Variants in ITGA1 observed in about 807,000 individuals in gnomAD.
ITGA1 encodes the protein integrin subunit alpha 1, also known as integrin alpha-1.
In ITGA1, 85 loss-of-function variants were observed where a neutral mutation model predicts 145.9. The observed-to-expected ratio is 0.58, with a 90% CI of 0.49 to 0.70. The LOEUF (loss-of-function observed/expected upper bound fraction) is 0.70, where lower values mean the gene tolerates loss of function less well. ITGA1 is among the 30% of genes least tolerant of loss of function. The pLI, the probability that ITGA1 is intolerant of heterozygous loss-of-function variation, is 0.00. For missense variants in ITGA1, 1,351 were observed against 1,418.7 expected (o/e 0.95, Z 0.77); for synonymous variants, 520 against 495.3 (o/e 1.05, Z -0.66).
chr5:52,876,228 A>T (rs963670640), intron 6 of ITGA1, among the ~76,000 whole-genome samples: 1 of 152,202 alleles, frequency 6.6e-6, no homozygotes, highest in African/African-American at 2.4e-5. Flanking sequence ...TTAGCCTTAA[A>T]TTATAAGCTA....
intron 1 of ITGA1, among the ~76,000 whole-genome samples, chr5:52,794,854 GCTT>G (rs1191497787): frequency 6.6e-6 from 1 of 151,682 alleles, no homozygotes; most frequent in East Asian, 1.9e-4. Flanking sequence ...TGGAGCTCTG[GCTT>G]CTTATTTTGT....
rs565935106 is a variant in ITGA1, at chr5:52,950,821, A to T, written c.3496-1586A>T. Among the ~76,000 whole-genome samples, 29 of 152,304 alleles carry T rather than the reference A, an allele frequency of 1.9e-4. No individual in the cohort carries two copies. The South Asian group carries it at 4.1e-3, about 22-fold the overall frequency. On this transcript the variant is annotated intron_variant, in intron 28 of 28. Transcript: ENST00000282588. ...GCAAAGCAGAGTGGGAAGGAGAAAA[A>T]GTCTTAGAATCCACCACCTGCTTTT...
chr5:52,920,711 C>T (rs970721021), intron 17 of ITGA1, among the ~76,000 whole-genome samples: 12 of 152,138 alleles, frequency 7.9e-5, no homozygotes, highest in Admixed American at 1.3e-4. Flanking sequence ...TATTATGGAA[C>T]GGCAGGAAAA....
At chr5:52,804,821 G>A (rs1368198079) in intron 1 of ITGA1, among the ~76,000 whole-genome samples, 2 of 152,132 alleles carry the variant, frequency 1.3e-5, no homozygotes, top group Admixed American at 1.3e-4. Context: ...TGTGTTTAGT[G>A]TCAGAATATG....
chr5:52,797,294 A>G (rs973369165), intron 1 of ITGA1, among the ~76,000 whole-genome samples: 2 of 152,074 alleles, frequency 1.3e-5, no homozygotes, highest in African/African-American at 4.8e-5. Context: ...AAAATGGCCC[A>G]AAGTGGTTTG....
intron 1 of ITGA1, among the ~76,000 whole-genome samples, chr5:52,831,459 A>G (rs1263616947): frequency 6.6e-6 from 1 of 152,186 alleles, no homozygotes; most frequent in Middle Eastern, 3.4e-3. Flanking sequence ...GGGTTACCCA[A>G]ACTAAGTCTC....
intron 23 of ITGA1, among the ~76,000 whole-genome samples, chr5:52,935,107 ACT>A (rs1750946784): frequency 6.6e-6 from 1 of 151,960 alleles, no homozygotes; most frequent in Admixed American, 6.6e-5. Flanking sequence ...TGAAATAGGT[ACT>A]CTCTCTTATA....
intron 1 of ITGA1, among the ~76,000 whole-genome samples, chr5:52,794,500 T>TACACACACACACACAC (rs56996823): frequency 4.2e-4 from 60 of 141,912 alleles, no homozygotes; most frequent in Middle Eastern, 3.6e-3. Flanking sequence ...CAAATAGAAA[T>TACACACACACACACAC]ACACACACAC....
intron 1 of ITGA1, among the ~76,000 whole-genome samples, chr5:52,820,024 T>A (rs1748849491): frequency 6.7e-6 from 1 of 149,132 alleles, no homozygotes; most frequent in Admixed American, 6.7e-5. Context: ...TTGGTACCAG[T>A]ACCATGCTGT....
intron 6 of ITGA1, among the ~76,000 whole-genome samples, chr5:52,880,243 A>T (rs1186656425): frequency 6.7e-6 from 1 of 149,316 alleles, no homozygotes; most frequent in African/African-American, 2.4e-5. Flanking sequence ...GGGTGTTTTC[A>T]ACTCAGTTTC....
intron 7 of ITGA1, among the ~76,000 whole-genome samples, chr5:52,885,603 C>T (rs1750033919): frequency 6.6e-6 from 1 of 152,120 alleles, no homozygotes; most frequent in African/African-American, 2.4e-5. Flanking sequence ...TTAAATTTGA[C>T]AGAGTTTATT....
At chr5:52,824,315 G>A (rs1170087652) in intron 1 of ITGA1, 6 of 140,786 alleles carry the variant, frequency 4.3e-5, no homozygotes, top group East Asian at 2.0e-4. Context: ...TTTTTTAGAC[G>A]GAATCTTGCT....
chr5:52,915,552 C>T lies in ITGA1; in HGVS notation c.1946C>T (p.Thr649Ile). ...ATGGATTTAAATGGTGACGGTCTGA[C>T]AGATGTGACTATTGGGGGCCTTGGT... ...GEMDLNGDGL[T>I]DVTIGGLGGA... is the part of the protein sequence containing the mutation. Residue 649 changes from threonine to isoleucine, a missense_variant, in exon 15 of 29, where the codon ACA becomes ATA. Coordinates refer to ENST00000282588, the MANE Select transcript of ITGA1 (RefSeq NM_181501.2). 1.2e-6 allele frequency: 2 copies of T among 1,614,084 alleles called. No individual in the cohort carries two copies. Among genetic ancestry groups the T allele is most frequent in the Non-Finnish European group, 1.7e-6 (2 of 1,179,998 alleles).
intron 27 of ITGA1, among the ~76,000 whole-genome samples, chr5:52,945,698 G>A (rs1167017831): frequency 1.3e-5 from 2 of 152,016 alleles, no homozygotes; most frequent in African/African-American, 4.8e-5. Context: ...CCTTCTCATG[G>A]GAGACTTTAA....
intron 6 of ITGA1, among the ~76,000 whole-genome samples, chr5:52,876,580 T>G (rs1749871089): frequency 6.6e-6 from 1 of 152,136 alleles, no homozygotes; most frequent in African/African-American, 2.4e-5. Flanking sequence ...TATCATTATT[T>G]CCCTGCTATC....
intron 12 of ITGA1, among the ~76,000 whole-genome samples, chr5:52,906,640 T>C (rs1028547102): frequency 2.0e-5 from 3 of 152,228 alleles, no homozygotes; most frequent in Non-Finnish European, 4.4e-5. Flanking sequence ...TTGGGAACTT[T>C]TGTTTCTAAA....
At chr5:52,948,054 G>A (rs957758351) in intron 28 of ITGA1, among the ~76,000 whole-genome samples, 13 of 152,140 alleles carry the variant, frequency 8.5e-5, no homozygotes, top group Admixed American at 7.9e-4. Context: ...TTCAAATTCT[G>A]TGGTAAATGT....
At chr5:52,898,136 A>G (rs1191497066) in intron 10 of ITGA1, 103 bp from the exon 11 acceptor site, 1 of 643,850 alleles carries the variant, frequency 1.6e-6, no homozygotes, top group Non-Finnish European at 2.3e-6. Context: ...TAACAAATGT[A>G]AAGCACTTTG....
chr5:52,889,115 T>G (rs76433058), intron 8 of ITGA1, among the ~76,000 whole-genome samples: 1 of 116,024 alleles, frequency 8.6e-6, no homozygotes, highest in African/African-American at 2.9e-5. Flanking sequence ...TCCATTTTTT[T>G]TTTTAAATGG....
Sources: gnomAD v4.1 joint callset for allele counts (sites outside exome capture counted in the v4.1 genomes callset) on GRCh38, gnomAD v4.1.1 for gene constraint, MANE v1.5 for transcripts, NCBI Gene and HGNC (gene_info 2026-07-23, HGNC 2026-07-21) for gene names.